Variants in NUP214 observed in about 807,000 individuals in gnomAD.
NUP214 encodes nuclear pore complex protein Nup214.
NUP214 carries 79 observed loss-of-function variants against 196.2 expected under a neutral mutation model. The observed-to-expected ratio is 0.40, with a 90% confidence interval of 0.34 to 0.49. NUP214 has a LOEUF of 0.49. Ranked by LOEUF, NUP214 falls within the 20% of genes least tolerant of loss-of-function variation. The pLI is 0.58. For missense variants in NUP214, 2,468 were observed against 2,539.0 expected, an observed-to-expected ratio of 0.97 and a Z score of 0.60; for synonymous variants, 1,020 against 990.5, an observed-to-expected ratio of 1.03 and a Z score of -0.56.
At chr9:131,220,151 CA>C (rs1190972767) in intron 31 of NUP214, among the ~76,000 whole-genome samples, 1 of 152,092 alleles carries the variant, frequency 6.6e-6, no homozygotes, top group Non-Finnish European at 1.5e-5. Flanking sequence ...GATGGCTATG[CA>C]AAGACAAACT....
chr9:131,151,045 T>C (rs1369737443), intron 16 of NUP214, among the ~76,000 whole-genome samples: 1 of 152,212 alleles, frequency 6.6e-6, no homozygotes, highest in Non-Finnish European at 1.5e-5. Flanking sequence ...TACTGTGCAC[T>C]CCATAAAATT....
intron 28 of NUP214, among the ~76,000 whole-genome samples, chr9:131,195,823 C>T (rs1408046076): frequency 6.6e-6 from 1 of 152,058 alleles, no homozygotes; most frequent in Non-Finnish European, 1.5e-5. Context: ...GTCAGGAGTT[C>T]AAGACCAGCC....
chr9:131,178,969 TTTG>T (rs747733056), intron 24 of NUP214, among the ~76,000 whole-genome samples: 75 of 151,510 alleles, frequency 5.0e-4, no homozygotes, highest in African/African-American at 1.5e-3. Flanking sequence ...TGGTGGTGGT[TTTG>T]TTGTTGTTGT....
intron 24 of NUP214, among the ~76,000 whole-genome samples, chr9:131,182,034 C>A (rs1289817322): frequency 1.3e-5 from 2 of 152,168 alleles, no homozygotes; most frequent in Non-Finnish European, 1.5e-5. Flanking sequence ...ATGTGGATAT[C>A]CAGTTGTCCC....
intron 32 of NUP214, among the ~76,000 whole-genome samples, chr9:131,224,988 C>T (rs1454315433): frequency 6.6e-6 from 1 of 152,168 alleles, no homozygotes; most frequent in African/African-American, 2.4e-5. Flanking sequence ...GAAATCTGAC[C>T]TTTGAAAATT....
chr9:131,199,550 A>G (rs1464557141), intron 29 of NUP214, among the ~76,000 whole-genome samples: 1 of 151,942 alleles, frequency 6.6e-6, no homozygotes, highest in Non-Finnish European at 1.5e-5. Flanking sequence ...GTTCTTTTCT[A>G]TTTTCAGTGT....
chr9:131,223,710 T>TA (rs1834629511), intron 32 of NUP214, among the ~76,000 whole-genome samples: 1 of 34,090 alleles, frequency 2.9e-5, no homozygotes, highest in East Asian at 1.2e-3. Context: ...TTTTTTTTTA[T>TA]TTTTATTTAT....
At chr9:131,176,480 C>T (rs1833125009) in intron 23 of NUP214, among the ~76,000 whole-genome samples, 1 of 152,042 alleles carries the variant, frequency 6.6e-6, no homozygotes, top group Non-Finnish European at 1.5e-5. Context: ...GCATGCACCA[C>T]TACACCAGGC....
rs774871742 is a variant in NUP214 at position 131,164,075 on chromosome 9, A to G, written c.2824A>G (p.Met942Val). 2 of 1,614,166 alleles carry G rather than the reference A, an allele frequency of 1.2e-6. No individual in the cohort carries two copies. The highest frequency in any genetic ancestry group is 1.7e-6 in the Non-Finnish European group (2 of 1,180,030). ...LPKVPAKLSP[M>V]KQAQLRNFLA... The stretch of plus-strand genomic sequence containing the variant: ...ATTTCTTGCAGCCAAACTGTCCCCC[A>G]TGAAACAGGCACAACTGAGAAACTT... Residue 942 changes from methionine to valine, a missense_variant, in exon 21 of 36, where the codon ATG becomes GTG. Met to Val is a conservative substitution (Grantham distance 21, BLOSUM62 1). Coordinates refer to ENST00000359428, the MANE Select transcript of NUP214 (RefSeq NM_005085.4).
chr9:131,186,163 C>G (rs1210691065), intron 24 of NUP214, among the ~76,000 whole-genome samples: 2 of 152,158 alleles, frequency 1.3e-5, no homozygotes, highest in East Asian at 1.9e-4. Flanking sequence ...CGGGGGAACA[C>G]TGTATCTGTA....
rs773893716 is a variant in NUP214 at position 131,146,180 on chromosome 9, C to T, written c.1821C>T (p.Pro607=). ...CTGTTAGTAGCTCCCAGAGCGCACC[C>T]CCGATGTCGCCATTCTCTTCTGCCT... ...STPVSSSQSA[P]PMSPFSSASK... Residue 607 remains proline, a synonymous_variant, in exon 13 of 36, where the codon CCC becomes CCT. Coordinates refer to ENST00000359428, the MANE Select transcript of NUP214 (RefSeq NM_005085.4). The surrounding 1 kb of genome is among the most constrained non-coding windows in gnomAD (Gnocchi z 4.6). 6.8e-5 allele frequency: 110 copies of T among 1,614,042 alleles called. No individual in the cohort carries two copies. The highest frequency in any genetic ancestry group is 8.8e-5 in the Non-Finnish European group (104 of 1,180,032).
intron 10 of NUP214, among the ~76,000 whole-genome samples, chr9:131,139,736 A>G (rs557544212): frequency 3.3e-5 from 5 of 152,320 alleles, no homozygotes; most frequent in Admixed American, 2.6e-4. Flanking sequence ...GTCCAATCCA[A>G]TTCCCTGGTG....
At chr9:131,129,624 T>G in intron 4 of NUP214, 147 bp downstream of exon 4, 2 of 761,210 alleles carry the variant, frequency 2.6e-6, no homozygotes, top group Non-Finnish European at 4.3e-6. Flanking sequence ...TATTCTTTTT[T>G]GAGACAGTCT....
intron 28 of NUP214, 94 bp downstream of exon 28, chr9:131,195,388 G>A: frequency 1.0e-6 from 1 of 985,674 alleles, no homozygotes; most frequent in Non-Finnish European, 1.6e-6. Context: ...ACTTGTTCCT[G>A]AATCTTACTT....
chr9:131,162,755 C>G, intron 18 of NUP214: 1 of 511,032 alleles, frequency 2.0e-6, no homozygotes, highest in Non-Finnish European at 3.5e-6. Context: ...GTATGCTGTC[C>G]TTTGCTACAG....
At chr9:131,163,691 T>C (rs1292212981) in intron 19 of NUP214, among the ~76,000 whole-genome samples, 179 bp from the exon 20 acceptor site, 1 of 152,226 alleles carries the variant, frequency 6.6e-6, no homozygotes, top group African/African-American at 2.4e-5. Context: ...GGAGATGGTA[T>C]ATAATATGAT....
At chr9:131,145,361 G>A (rs915029767) in intron 12 of NUP214, among the ~76,000 whole-genome samples, 1 of 152,072 alleles carries the variant, frequency 6.6e-6, no homozygotes, top group South Asian at 2.1e-4. Context: ...TTGGAGGGAA[G>A]CAATCCCTTA....
At chr9:131,155,399 C>T (rs187154453) in intron 17 of NUP214, among the ~76,000 whole-genome samples, 65 of 152,218 alleles carry the variant, frequency 4.3e-4, no homozygotes, top group Admixed American at 1.8e-3. Flanking sequence ...AGTCCATTGT[C>T]GAATGCATAG....
rs566422154 is a variant in NUP214 at position 131,178,602 on chromosome 9, A to T, written c.3419+192A>T. On this transcript the variant is annotated intron_variant, in intron 24 of 35. Transcript: ENST00000359428. Reference sequence around the variant, plus strand: ...CTGTCCTTTTTAACTGGCCGGTGACAGTTGCCTCACAAACTTTTAAAGTTT... The same window carrying T: ...CTGTCCTTTTTAACTGGCCGGTGACTGTTGCCTCACAAACTTTTAAAGTTT... Among the ~76,000 whole-genome samples, 4 of 152,224 alleles carry T rather than the reference A, an allele frequency of 2.6e-5. No individual in the cohort carries two copies. In the East Asian group the frequency reaches 7.7e-4, roughly 29 times the overall value.
Sources: allele counts gnomAD v4.1 joint callset (sites outside exome capture counted in the v4.1 genomes callset), GRCh38; gene constraint gnomAD v4.1.1; non-coding constraint Gnocchi (gnomAD v3.1); transcripts MANE v1.5; gene names NCBI Gene and HGNC (gene_info 2026-07-23, HGNC 2026-07-21).